Variants in FBXL7 observed in about 807,000 individuals in gnomAD.
FBXL7 encodes F-box/LRR-repeat protein 7.
A neutral mutation model predicts 38.3 loss-of-function variants in FBXL7; 12 were observed. That is an observed-to-expected ratio of 0.31 (90% CI 0.20 to 0.51). FBXL7 has a LOEUF of 0.51. Among genes scored for constraint, FBXL7 ranks in the 20% least tolerant of loss-of-function variants. FBXL7 has a pLI of 0.98. For missense variants in FBXL7, 567 were observed against 676.4 expected (o/e 0.84, Z 1.79); for synonymous variants, 297 against 300.9 (o/e 0.99, Z 0.13).
At chr5:15,917,698 A>AAGG (rs1254318383) in intron 2 of FBXL7, among the ~76,000 whole-genome samples, 66 of 112,840 alleles carry the variant, frequency 5.8e-4, no homozygotes, top group Non-Finnish European at 8.3e-4. Context: ...AGGAAGGAAG[A>AAGG]AAGAAAGGAA....
intron 1 of FBXL7, among the ~76,000 whole-genome samples, chr5:15,612,324 A>G (rs983986184): frequency 2.6e-5 from 4 of 152,212 alleles, no homozygotes; most frequent in Admixed American, 2.0e-4. Context: ...AAGAGAAAGC[A>G]TGTAAAGCAT....
chr5:15,595,722 G>A (rs558050099), intron 1 of FBXL7, among the ~76,000 whole-genome samples: 47 of 152,254 alleles, frequency 3.1e-4, no homozygotes, highest in African/African-American at 1.1e-3. Flanking sequence ...TCAAGCAAAT[G>A]AATAGTAGCA....
chr5:15,906,557 G>A (rs1741372810), intron 2 of FBXL7, among the ~76,000 whole-genome samples: 1 of 142,036 alleles, frequency 7.0e-6, no homozygotes, highest in Admixed American at 7.3e-5. Flanking sequence ...GGGTACATGT[G>A]CATATTGTGC....
chr5:15,653,017 A>G (rs1198419296), intron 2 of FBXL7, among the ~76,000 whole-genome samples: 4 of 152,166 alleles, frequency 2.6e-5, no homozygotes, highest in African/African-American at 9.7e-5. Context: ...CTATGTACCC[A>G]CAAAAATTAA....
chr5:15,654,424 A>AG (rs1741810917), intron 2 of FBXL7, among the ~76,000 whole-genome samples: 1 of 149,678 alleles, frequency 6.7e-6, no homozygotes, highest in South Asian at 2.1e-4. Flanking sequence ...AACTGAAAAA[A>AG]AAAAAAAAGG....
intron 2 of FBXL7, among the ~76,000 whole-genome samples, chr5:15,626,290 G>T (rs986710349): frequency 2.6e-5 from 4 of 152,128 alleles, no homozygotes; most frequent in Non-Finnish European, 5.9e-5. Flanking sequence ...CTGGTGATTT[G>T]AGCATGTTAA....
Position 15,674,458 on chromosome 5 carries a change from A to G in FBXL7, c.127+58386A>G, listed in dbSNP as rs77963878. Among the ~76,000 whole-genome samples, 1,484 of 152,312 alleles carry G rather than the reference A, an allele frequency of 9.7e-3. 27 individuals are homozygous for G. The highest frequency in any genetic ancestry group is 0.034 in the African/African-American group (1,421 of 41,558). Reference sequence around the variant, plus strand: ...CCATATTGAGAAAAGGTCTGCAGAGATAGTTAAATTAACATAGCAGATCCA... The same window carrying G: ...CCATATTGAGAAAAGGTCTGCAGAGGTAGTTAAATTAACATAGCAGATCCA... On this transcript the variant is annotated intron_variant, in intron 2 of 3. Coordinates refer to ENST00000504595, the MANE Select transcript of FBXL7 (RefSeq NM_012304.5).
At chr5:15,522,435 C>G (rs973818654) in intron 1 of FBXL7, among the ~76,000 whole-genome samples, 9 of 152,168 alleles carry the variant, frequency 5.9e-5, no homozygotes, top group African/African-American at 2.2e-4. Context: ...ACATTTGTCT[C>G]CCTTCTAACA....
chr5:15,780,345 A>G (rs1360470084), intron 2 of FBXL7, among the ~76,000 whole-genome samples: 1 of 151,890 alleles, frequency 6.6e-6, no homozygotes, highest in African/African-American at 2.4e-5. Context: ...CAAACCAAAA[A>G]ACCCCACTAT....
intron 2 of FBXL7, among the ~76,000 whole-genome samples, chr5:15,897,933 T>C (rs1741143651): frequency 1.3e-5 from 2 of 152,198 alleles, no homozygotes; most frequent in South Asian, 4.1e-4. Flanking sequence ...TCACTATCAA[T>C]ATATTTCATA....
intron 2 of FBXL7, among the ~76,000 whole-genome samples, chr5:15,843,624 C>A (rs144524197): frequency 2.5e-3 from 388 of 152,232 alleles, no homozygotes; most frequent in Non-Finnish European, 4.7e-3. Context: ...CTGATGAATG[C>A]AGTTTAAAAG....
At chr5:15,683,047 A>G (rs1036033325) in intron 2 of FBXL7, among the ~76,000 whole-genome samples, 2 of 152,316 alleles carry the variant, frequency 1.3e-5, no homozygotes, top group Middle Eastern at 3.4e-3. Flanking sequence ...GGTACATAGA[A>G]TAAGAGAGGG....
chr5:15,893,830 G>A (rs1331037384), intron 2 of FBXL7, among the ~76,000 whole-genome samples: 1 of 152,196 alleles, frequency 6.6e-6, no homozygotes, highest in African/African-American at 2.4e-5. Flanking sequence ...TTGTATTGAA[G>A]AGACAAACTC....
intron 1 of FBXL7, among the ~76,000 whole-genome samples, chr5:15,505,259 G>A (rs1353877322): frequency 6.6e-6 from 1 of 152,122 alleles, no homozygotes; most frequent in African/African-American, 2.4e-5. Flanking sequence ...GATCTTGTGG[G>A]GTAGTTACTT....
chr5:15,667,708 C>T (rs976276301), intron 2 of FBXL7, among the ~76,000 whole-genome samples: 1 of 152,176 alleles, frequency 6.6e-6, no homozygotes, highest in Non-Finnish European at 1.5e-5. Flanking sequence ...TGTTCATTCA[C>T]CCTATCTTGT....
At chr5:15,562,713 C>T (rs1738448533) in intron 1 of FBXL7, among the ~76,000 whole-genome samples, 1 of 151,978 alleles carries the variant, frequency 6.6e-6, no homozygotes, top group African/African-American at 2.4e-5. Flanking sequence ...TCTCTCCATT[C>T]ATCCCTTTCC....
At chr5:15,830,485 A>AACACACACACAC (rs57825713) in intron 2 of FBXL7, among the ~76,000 whole-genome samples, 14 of 144,192 alleles carry the variant, frequency 9.7e-5, no homozygotes, top group African/African-American at 3.6e-4. Context: ...CTCCATCTAA[A>AACACACACACAC]ACACACACAC....
At chr5:15,620,399 A>ATTTTT (rs1278504178) in intron 2 of FBXL7, among the ~76,000 whole-genome samples, 5 of 133,362 alleles carry the variant, frequency 3.7e-5, no homozygotes, top group African/African-American at 1.5e-4. Flanking sequence ...CGCCCAGCTA[A>ATTTTT]TTTTTTGTTT....
rs937768296 is a variant in FBXL7, at chr5:15,655,099, A to C, written c.127+39027A>C. 3.9e-5 allele frequency among the ~76,000 whole-genome samples: 6 copies of C among 152,342 alleles called. No individual in the cohort carries two copies. The Middle Eastern group carries it at 0.01, about 259-fold the overall frequency. On this transcript the variant is annotated intron_variant, in intron 2 of 3. Transcript: ENST00000504595. ...TTAAGATAGCTACCAATCTCTGCAC[A>C]CATCTTAGTCTAGCACATTTGAACA... is the stretch of plus-strand genomic sequence containing the variant.
Sources: gnomAD v4.1 joint callset for allele counts (sites outside exome capture counted in the v4.1 genomes callset) on GRCh38, gnomAD v4.1.1 for gene constraint, MANE v1.5 for transcripts, NCBI Gene and HGNC (gene_info 2026-07-23, HGNC 2026-07-21) for gene names.